Variants in RSPH14 observed in about 807,000 individuals in gnomAD.
RSPH14 encodes radial spoke head 14 homolog, also known as rhabdoid tumor deletion region gene 1.
RSPH14 carries 20 observed loss-of-function variants against 26.7 expected under a neutral mutation model. The observed-to-expected ratio is 0.75, with a 90% confidence interval of 0.53 to 1.09. RSPH14 has a LOEUF of 1.09. Among genes scored for constraint, RSPH14 ranks in the 50% least tolerant of loss-of-function variants. The pLI is 0.00. For synonymous variants in RSPH14, 177 were observed against 189.3 expected, an observed-to-expected ratio of 0.93 and a Z score of 0.53; for missense variants, 449 against 457.2, an observed-to-expected ratio of 0.98 and a Z score of 0.16.
chr22:23,172,415 CAAA>C, the RSPH14 span, among the ~76,000 whole-genome samples: 3 of 59,348 alleles, frequency 5.1e-5, no homozygotes, highest in African/African-American at 6.5e-5. Context: ...GATTCTGTCT[CAAA>C]AAAAAAAAAA....
the RSPH14 span, among the ~76,000 whole-genome samples, chr22:23,160,280 G>C: frequency 6.6e-6 from 1 of 152,170 alleles, no homozygotes; most frequent in African/African-American, 2.4e-5. Flanking sequence ...CCTTATCAGA[G>C]TAACAGTGAG....
intron 4 of RSPH14, among the ~76,000 whole-genome samples, chr22:23,091,687 T>C (rs1601783996): frequency 2.0e-5 from 3 of 151,878 alleles, no homozygotes; most frequent in African/African-American, 7.3e-5. Context: ...TGGACCTGCA[T>C]ACACACACAC....
chr22:23,152,408 T>A, the RSPH14 span: 71 of 1,591,674 alleles, frequency 4.5e-5, no homozygotes, highest in Non-Finnish European at 5.9e-5. Flanking sequence ...TGTGAGTGTC[T>A]GAAGACACCC....
rs142275896 is a variant in RSPH14 at position 23,131,304 on chromosome 22, C to T, written c.421+2722G>A. 498 of 177,242 alleles carry T rather than the reference C, an allele frequency of 2.8e-3. 3 individuals carry two copies. Among genetic ancestry groups the T allele is most frequent in the African/African-American group, 0.011 (467 of 42,450 alleles). The allele number at this position is 177,242 out of a possible 1,614,324, so 11.0% of individuals were successfully genotyped here. ...AAACATGCAAAACAAGATTATATAT[C>T]GTCCATATGTAATTATATCTGTGGT... On this transcript the variant is annotated intron_variant, in intron 4 of 6. Transcript: ENST00000216036.
At chr22:23,147,798 A>G (rs1482414748), upstream of RSPH14, among the ~76,000 whole-genome samples, 2 of 152,240 alleles carry the variant, frequency 1.3e-5, no homozygotes, top group Non-Finnish European at 2.9e-5. Context: ...TGGCACAGAC[A>G]TGAGGAAGAA....
intron 6 of RSPH14, 101 bp from the exon 7 acceptor site, chr22:23,059,819 C>G: frequency 5.3e-6 from 7 of 1,320,820 alleles, no homozygotes; most frequent in Non-Finnish European, 3.0e-6. Context: ...TGTGCAGTCT[C>G]AAGGGGTTTA....
chr22:23,132,568 A>ATG (rs869310485), intron 4 of RSPH14, among the ~76,000 whole-genome samples: 5 of 151,808 alleles, frequency 3.3e-5, no homozygotes, highest in Non-Finnish European at 7.4e-5. Context: ...TCAGGGAAAT[A>ATG]TAAATTAAAA....
chr22:23,133,893 G>C, intron 4 of RSPH14, 133 bp downstream of exon 4: 2 of 658,648 alleles, frequency 3.0e-6, no homozygotes, highest in South Asian at 3.0e-5. Context: ...CAGCGGATAT[G>C]TGCTTTTCTA....
At chr22:23,134,461 T>C (rs1393912939) in intron 3 of RSPH14, among the ~76,000 whole-genome samples, 1 of 145,952 alleles carries the variant, frequency 6.9e-6, no homozygotes, top group Non-Finnish European at 1.5e-5. Context: ...GCCAATTAGA[T>C]GAGAAGAGGA....
the RSPH14 span, chr22:23,161,387 A>G: frequency 2.0e-6 from 2 of 985,702 alleles, no homozygotes; most frequent in Non-Finnish European, 3.1e-6. Flanking sequence ...GGCCTTGAAC[A>G]GCAGGCCCAG....
chr22:23,117,342 C>T (rs2069875539), intron 4 of RSPH14, among the ~76,000 whole-genome samples: 2 of 152,208 alleles, frequency 1.3e-5, no homozygotes, highest in Admixed American at 6.5e-5. Context: ...ATCACATCGG[C>T]CATTGCATCT....
chr22:23,101,381 T>C (rs1189135382), intron 4 of RSPH14, among the ~76,000 whole-genome samples: 1 of 152,176 alleles, frequency 6.6e-6, no homozygotes, highest in African/African-American at 2.4e-5. Context: ...GGGTATAGAC[T>C]GGGTTCCACC....
chr22:23,105,118 C>T (rs1051474097), intron 4 of RSPH14, among the ~76,000 whole-genome samples: 2 of 152,228 alleles, frequency 1.3e-5, no homozygotes, highest in Non-Finnish European at 2.9e-5. Flanking sequence ...CGACTGGGGG[C>T]CCTGGGCCTT....
the RSPH14 span, chr22:23,153,079 G>A: frequency 6.2e-7 from 1 of 1,614,204 alleles, no homozygotes; most frequent in Non-Finnish European, 8.5e-7. Context: ...CACCATTGGG[G>A]TGGACTTTGA....
the RSPH14 span, among the ~76,000 whole-genome samples, chr22:23,164,807 G>A: frequency 6.6e-6 from 1 of 152,124 alleles, no homozygotes; most frequent in Admixed American, 6.5e-5. Flanking sequence ...ACACGTACCT[G>A]AAGCAGGTCC....
chr22:23,141,327 CAA>C (rs35460609), intron 1 of RSPH14, among the ~76,000 whole-genome samples: 1,828 of 82,340 alleles, frequency 0.022, 30 homozygotes, highest in African/African-American at 0.073. Context: ...GACTCCGTCT[CAA>C]AAAAAAAAAA....
At chr22:23,138,045 T>A (rs1000670600) in intron 3 of RSPH14, among the ~76,000 whole-genome samples, 5 of 152,094 alleles carry the variant, frequency 3.3e-5, no homozygotes, top group Non-Finnish European at 7.4e-5. Context: ...AAAAGGACAC[T>A]TCCAGGTGCC....
At chr22:23,114,993 A>T (rs1183010176) in intron 4 of RSPH14, among the ~76,000 whole-genome samples, 1 of 152,164 alleles carries the variant, frequency 6.6e-6, no homozygotes, top group Non-Finnish European at 1.5e-5. Flanking sequence ...TGTCCCAGGG[A>T]TGATGCTGGT....
intron 4 of RSPH14, among the ~76,000 whole-genome samples, chr22:23,098,172 CCTT>C (rs2069179297): frequency 6.6e-6 from 1 of 152,260 alleles, no homozygotes; most frequent in South Asian, 2.1e-4. Flanking sequence ...TCTCTCCTCT[CCTT>C]CTGCTCTAGC....
Sources: allele counts gnomAD v4.1 joint callset (sites outside exome capture counted in the v4.1 genomes callset), GRCh38; gene constraint gnomAD v4.1.1; transcripts MANE v1.5; gene names NCBI Gene and HGNC (gene_info 2026-07-23, HGNC 2026-07-21).